Variants in PCDH15 observed in about 807,000 individuals in gnomAD.
The protein encoded by PCDH15 is protocadherin-15.
A neutral mutation model predicts 178.5 loss-of-function variants in PCDH15; 129 were observed. The ratio of observed to expected loss-of-function variants is 0.72; its 90% CI spans 0.63 to 0.84. PCDH15 has a LOEUF of 0.84. Among genes scored for constraint, PCDH15 ranks in the 40% least tolerant of loss-of-function variants. The pLI is 0.00. For missense variants in PCDH15, 2,230 were observed against 2,099.9 expected, an observed-to-expected ratio of 1.06 and a Z score of -1.21; for synonymous variants, 800 against 732.0, an observed-to-expected ratio of 1.09 and a Z score of -1.50.
At chr10:54,465,788 TC>T (rs1356447071) in intron 3 of PCDH15, among the ~76,000 whole-genome samples, 3 of 151,998 alleles carry the variant, frequency 2.0e-5, no homozygotes, top group African/African-American at 7.2e-5. Context: ...ATAGAGCAGT[TC>T]TATATTTACA....
At chr10:53,996,830 A>G (rs2091875712) in intron 20 of PCDH15, among the ~76,000 whole-genome samples, 1 of 152,078 alleles carries the variant, frequency 6.6e-6, no homozygotes, top group Non-Finnish European at 1.5e-5. Flanking sequence ...TTGAACTGAA[A>G]CCTAAATTTG....
rs371039676 is a variant in PCDH15, at chr10:54,407,235, C to T, written c.158-28293G>A. 1.1e-4 allele frequency among the ~76,000 whole-genome samples: 16 copies of T among 151,986 alleles called. 1 individual carries two copies. The highest frequency in any genetic ancestry group is 9.7e-4 in the East Asian group (5 of 5,168). ...GGAGAAAATTGATTGGAAAAGAGTA[C>T]CTGGGAACTCTTTAGAGTATTTAAA... On this transcript the variant is annotated intron_variant, in intron 3 of 37. Transcript: ENST00000644397.
chr10:54,726,551 G>T (rs1337720085), intron 1 of PCDH15, among the ~76,000 whole-genome samples: 1 of 150,962 alleles, frequency 6.6e-6, no homozygotes, highest in Non-Finnish European at 1.5e-5. Flanking sequence ...AGAGGGCACA[G>T]GTCAAATAAT....
intron 2 of PCDH15, among the ~76,000 whole-genome samples, chr10:55,403,476 T>G (rs113582325): frequency 0.01 from 1,572 of 151,978 alleles, 27 homozygotes; most frequent in African/African-American, 0.035. Flanking sequence ...CATCCCCTCA[T>G]GATTTTTTCT....
chr10:53,979,906 T>C (rs1261033629), intron 21 of PCDH15, among the ~76,000 whole-genome samples: 5 of 152,208 alleles, frequency 3.3e-5, no homozygotes, highest in African/African-American at 1.2e-4. Flanking sequence ...TCTAATTTAG[T>C]ATATCATTTG....
intron 1 of PCDH15, among the ~76,000 whole-genome samples, chr10:55,269,771 A>G (rs574584973): frequency 6.7e-6 from 1 of 149,804 alleles, no homozygotes; most frequent in Admixed American, 6.6e-5. Context: ...TCACAGTTAG[A>G]AAAAAAAATT....
At chr10:55,330,578 C>T (rs12779029) in intron 2 of PCDH15, among the ~76,000 whole-genome samples, 25,566 of 151,724 alleles carry the variant, frequency 0.17, 2,246 homozygotes, top group South Asian at 0.24. Flanking sequence ...GAAATTATAG[C>T]TGTTATTTTT....
At chr10:54,807,091 T>G (rs997099869) in intron 3 of PCDH15, among the ~76,000 whole-genome samples, 2 of 152,180 alleles carry the variant, frequency 1.3e-5, no homozygotes, top group Non-Finnish European at 2.9e-5. Flanking sequence ...GTGGCCCAGA[T>G]AAAGGGACCA....
chr10:54,852,361 C>T (rs1157106138), intron 3 of PCDH15, among the ~76,000 whole-genome samples: 1 of 151,992 alleles, frequency 6.6e-6, no homozygotes, highest in Admixed American at 6.6e-5. Context: ...TGGAGAGACA[C>T]AAACATAAAG....
intron 1 of PCDH15, among the ~76,000 whole-genome samples, chr10:55,248,517 TGGATACGC>T (rs1841743509): frequency 6.6e-6 from 1 of 152,198 alleles, no homozygotes; most frequent in Non-Finnish European, 1.5e-5. Context: ...GAATTATAAA[TGGATACGC>T]GGATAAGCAT....
Position 53,831,437 on chromosome 10 carries a change from C to G in PCDH15, c.4080G>C (p.Val1360=), listed in dbSNP as rs111033499. 6.2e-7 allele frequency: 1 copy of G among 1,614,138 alleles called. No individual in the cohort carries two copies. Among genetic ancestry groups the G allele is most frequent in the Non-Finnish European group, 8.5e-7 (1 of 1,180,012 alleles). Residue 1360 remains valine, a synonymous_variant, in exon 30 of 38, where the codon GTG becomes GTC. Transcript: ENST00000644397. ...TTTCTCCTCTCTTTTTAATGCTGGT[C>G]ACTGCCTCTGGAGTCCGGATCTCCA... is the stretch of plus-strand genomic sequence containing the variant. ...RILEIRTPEA[V]TSIKKRGESL...
chr10:54,330,119 A>G (rs570416522), intron 6 of PCDH15, among the ~76,000 whole-genome samples: 2 of 151,962 alleles, frequency 1.3e-5, no homozygotes, highest in South Asian at 2.1e-4. Context: ...GTCAACATTG[A>G]TATCCATTCT....
intron 2 of PCDH15, among the ~76,000 whole-genome samples, chr10:55,440,374 A>C (rs1839151135): frequency 6.6e-6 from 1 of 152,320 alleles, no homozygotes; most frequent in East Asian, 1.9e-4. Context: ...GAAATGCATA[A>C]GAATATAGAA....
Position 54,631,338 on chromosome 10 carries a change from A to C in PCDH15, c.91+32834T>G, listed in dbSNP as rs866154200. 1.3e-5 allele frequency among the ~76,000 whole-genome samples: 2 copies of C among 152,266 alleles called. 1 individual carries two copies. The highest frequency in any genetic ancestry group is 6.8e-3 in the Middle Eastern group (2 of 294). ...GTACAGCCTGCAGAACAATTAGCCA[A>C]TTCAATCTCTTTTTTAAAAAAATTA... On this transcript the variant is annotated intron_variant, in intron 2 of 37. Coordinates refer to ENST00000644397, the MANE Select transcript of PCDH15 (RefSeq NM_001384140.1).
chr10:54,569,002 C>T (rs1184850184), intron 2 of PCDH15, among the ~76,000 whole-genome samples: 20 of 151,668 alleles, frequency 1.3e-4, no homozygotes, highest in Admixed American at 1.2e-3. Context: ...AAGGAATAAT[C>T]TATAAAAATT....
chr10:53,983,276 T>C (rs2090824840), intron 21 of PCDH15, among the ~76,000 whole-genome samples: 1 of 151,406 alleles, frequency 6.6e-6, no homozygotes, highest in Non-Finnish European at 1.5e-5. Context: ...ACAAAATATA[T>C]ATATACGTTT....
intron 2 of PCDH15, among the ~76,000 whole-genome samples, chr10:55,073,819 C>A (rs897575088): frequency 1.3e-5 from 2 of 152,028 alleles, no homozygotes; most frequent in Non-Finnish European, 2.9e-5. Flanking sequence ...GATTTATTCT[C>A]ACTACTTCTT....
At chr10:54,628,236 A>T (rs2134621022) in intron 2 of PCDH15, among the ~76,000 whole-genome samples, 1 of 152,336 alleles carries the variant, frequency 6.6e-6, no homozygotes, top group South Asian at 2.1e-4. Context: ...CCACTGAGTT[A>T]CCATGCACGA....
intron 3 of PCDH15, among the ~76,000 whole-genome samples, chr10:54,521,103 C>G (rs1357496233): frequency 6.6e-6 from 1 of 150,704 alleles, no homozygotes; most frequent in African/African-American, 2.4e-5. Context: ...AGGAGATATA[C>G]CTAATGCTAA....
Sources: gnomAD v4.1 joint callset for allele counts (sites outside exome capture counted in the v4.1 genomes callset) on GRCh38, gnomAD v4.1.1 for gene constraint, MANE v1.5 for transcripts, NCBI Gene and HGNC (gene_info 2026-07-23, HGNC 2026-07-21) for gene names.